Variants in POLE observed in about 807,000 individuals in gnomAD.
The protein encoded by POLE is DNA polymerase epsilon catalytic subunit A.
A neutral mutation model predicts 279.2 loss-of-function variants in POLE; 188 were observed. The observed-to-expected ratio is 0.67, with a 90% CI of 0.60 to 0.76. The LOEUF (loss-of-function observed/expected upper bound fraction) is 0.76. POLE is among the 30% of genes least tolerant of loss of function. The pLI is 0.00. For synonymous variants in POLE, 1,214 were observed against 1,172.5 expected (o/e 1.04, Z -0.72); for missense variants, 2,703 against 3,016.7 (o/e 0.90, Z 2.44).
intron 47 of POLE, chr12:132,625,362 G>A (rs554650253): frequency 2.3e-4 from 169 of 731,584 alleles, no homozygotes; most frequent in Non-Finnish European, 3.4e-4. Flanking sequence ...GCCGAGCTGT[G>A]CAACTCCCTC....
chr12:132,675,482 A>T lies in POLE; in HGVS notation c.1142T>A (p.Leu381Gln), dbSNP rs767448166. The T allele has an allele frequency of 3.7e-6, 6 of 1,614,148 alleles. No individual in the cohort carries two copies. In the South Asian group the frequency reaches 6.6e-5, roughly 18 times the overall value. The change falls in exon 12 of 49, where the codon CTG (leucine) becomes CAG (glutamine). Residue 381 changes from leucine to glutamine, a missense_variant. Transcript: ENST00000320574. This position sits in a 1 kb window ranked among gnomAD's most constrained non-coding sequence, Gnocchi z 4.3. The stretch of plus-strand genomic sequence containing the variant: ...GAAGCCTATCTCCTGCTGCATGCTC[A>T]GACCGTGGACTGCTGCCCGGGCCTC... ...FVEARAAVHG[L>Q]SMQQEIGFQK...
At chr12:132,628,352 A>T (rs574165768) in intron 45 of POLE, among the ~76,000 whole-genome samples, 1 of 142,696 alleles carries the variant, frequency 7.0e-6, no homozygotes, top group Admixed American at 7.1e-5. Flanking sequence ...AAAAAAAACT[A>T]CTTTTTTGGG....
Position 132,679,517 on chromosome 12 carries a change from C to T in POLE, c.558G>A (p.Ala186=), listed in dbSNP as rs764758303. 6.2e-6 allele frequency: 10 copies of T among 1,613,228 alleles called. No individual in the cohort carries two copies. Among genetic ancestry groups the T allele is most frequent in the East Asian group, 2.2e-5 (1 of 44,858 alleles). Residue 186 remains alanine (A), a synonymous_variant, in exon 6 of 49, where the codon GCG becomes GCA. Transcript: ENST00000320574. ...TTTACCTGGAAAGCAGAGCTGTGTA[C>T]GCGTCGCTGGCGTGATCCTGCTCCC... ...KNREQDHASD[A]YTALLSSVLQ...
Position 132,661,815 on chromosome 12 carries a change from G to T in POLE, c.2707-131C>A. On this transcript the variant is annotated intron_variant, in intron 23 of 48. Coordinates refer to ENST00000320574, the MANE Select transcript of POLE (RefSeq NM_006231.4). The surrounding 1 kb of genome is among the most constrained non-coding windows in gnomAD (Gnocchi z 4.1). Reference sequence around the variant, plus strand: ...TCCACATAACTAACACGACTTGGCAGCAGGAAGGAAGGAAGTTCTGATGCA... The same window carrying T: ...TCCACATAACTAACACGACTTGGCATCAGGAAGGAAGGAAGTTCTGATGCA... 1 of 887,386 alleles carries T rather than the reference G, an allele frequency of 1.1e-6. No homozygotes were observed. The allele number at this position is 887,386 out of a possible 1,614,324, so 55.0% of individuals were successfully genotyped here.
rs746311547 is a variant in POLE at position 132,661,150 on chromosome 12, T to G, written c.2879A>C (p.Asn960Thr). The change falls in exon 25 of 49, where the codon AAT (asparagine) becomes ACT (threonine). Residue 960 changes from asparagine (N) to threonine (T), a missense_variant. Physicochemically the swap from Asn to Thr is moderately conservative, Grantham distance 65 (BLOSUM62 0). This residue lies in a region of POLE where 101 missense variants were observed against 115.4 expected (regional missense o/e 0.87). Transcript: ENST00000320574. This position sits in a 1 kb window ranked among gnomAD's most constrained non-coding sequence, Gnocchi z 4.1. ...KKLKKRYAVF[N>T]EDGSLAELKG... is the part of the protein sequence containing the mutation. ...GAGCTCAGCCAGAGAACCGTCTTCA[T>G]TGAACACAGCATACCTGAAAAAAAA... is the stretch of plus-strand genomic sequence containing the variant. 1 of 1,609,668 alleles carries G rather than the reference T, an allele frequency of 6.2e-7. No homozygotes were observed.
intron 29 of POLE, among the ~76,000 whole-genome samples, chr12:132,654,224 T>C (rs557606440): frequency 8.8e-5 from 4 of 45,468 alleles, no homozygotes; most frequent in African/African-American, 1.3e-4. Context: ...TTACACTTAT[T>C]TTTTTTCGTC....
chr12:132,625,599 C>T lies in POLE; in HGVS notation c.6657+46G>A, dbSNP rs368144447. The T allele has an allele frequency of 1.9e-4, 299 of 1,606,336 alleles. No individual in the cohort carries two copies. The African/African-American group carries it at 3.6e-3, about 19-fold the overall frequency. ...GGCTCCCGGGAGTGCACAGAAACCC[C>T]CCTGTGGACTCCAGGGCACACGGGC... On this transcript the variant is annotated intron_variant, in intron 47 of 48. Coordinates refer to ENST00000320574, the MANE Select transcript of POLE (RefSeq NM_006231.4).
chr12:132,634,645 A>G lies in POLE; in HGVS notation c.5812-267T>C, dbSNP rs1008506402. Among the ~76,000 whole-genome samples, 8 of 150,578 alleles carry G rather than the reference A, an allele frequency of 5.3e-5. No homozygotes were observed. The highest frequency in any genetic ancestry group is 2.0e-4 in the African/African-American group (8 of 40,908). On this transcript the variant is annotated intron_variant, in intron 42 of 48. Coordinates refer to ENST00000320574, the MANE Select transcript of POLE (RefSeq NM_006231.4). This position sits in a 1 kb window ranked among gnomAD's most constrained non-coding sequence, Gnocchi z 4.0. ...CTCTGCTCTTCCAGAGTTCACTTTA[A>G]TTGTTGAACTCCCACCCCCCAAGGA...
At chr12:132,632,924 C>G in intron 43 of POLE, 129 bp from the exon 44 acceptor site, 1 of 1,059,046 alleles carries the variant, frequency 9.4e-7, no homozygotes, top group Non-Finnish European at 1.4e-6. Flanking sequence ...ATAATTTTAT[C>G]TGCAGCCTTT....
Position 132,664,597 on chromosome 12 carries a change from G to C in POLE, c.2469-135C>G. On this transcript the variant is annotated intron_variant, in intron 21 of 48. Transcript: ENST00000320574. The surrounding 1 kb of genome is among the most constrained non-coding windows in gnomAD (Gnocchi z 5.3). ...GAAGCAGCCAAATGTGCGTGCACCAGGACAGAACTAAGGTGGAATCTGGCT... is the reference window on the plus strand; with the variant it reads ...GAAGCAGCCAAATGTGCGTGCACCACGACAGAACTAAGGTGGAATCTGGCT... The C allele has an allele frequency of 1.4e-6, 1 of 697,814 alleles. No individual in the cohort carries two copies. 43.2% of individuals were successfully genotyped at this position (697,814 alleles called of 1,614,324 possible).
chr12:132,678,208 T>C (rs2043100551), intron 6 of POLE, among the ~76,000 whole-genome samples: 1 of 146,750 alleles, frequency 6.8e-6, no homozygotes, highest in Admixed American at 6.8e-5. Flanking sequence ...GGATGATAAC[T>C]CTACAGACAG....
In POLE at chr12:132,675,780, G is replaced by A. The variant is rs2136011496; in HGVS notation, c.1061C>T (p.Thr354Ile). ...IQRWFEHVQE[T>I]KPTIMVTYNG... Reference sequence around the variant, plus strand: ...GTAGGTGACCATGATGGTGGGTTTGGTCTCCTGGACGTGTTCAAACCACCT... The same window carrying A: ...GTAGGTGACCATGATGGTGGGTTTGATCTCCTGGACGTGTTCAAACCACCT... The change falls in exon 11 of 49, where the codon ACC (threonine) becomes ATC (isoleucine). Residue 354 changes from threonine to isoleucine, a missense_variant. Physicochemically the swap from Thr to Ile is moderately conservative, Grantham distance 89. Around this residue, in one of 5 missense-constraint regions of POLE, gnomAD observed 1,011 missense variants for 1,111.7 expected, o/e 0.91. Transcript: ENST00000320574. This position sits in a 1 kb window ranked among gnomAD's most constrained non-coding sequence, Gnocchi z 4.3. 1 of 1,614,186 alleles carries A rather than the reference G, an allele frequency of 6.2e-7. No homozygotes were observed. The highest frequency in any genetic ancestry group is 2.2e-5 in the East Asian group (1 of 44,884).
intron 23 of POLE, among the ~76,000 whole-genome samples, chr12:132,662,545 A>G (rs1443444277): frequency 1.3e-5 from 2 of 152,206 alleles, no homozygotes; most frequent in African/African-American, 4.8e-5. Context: ...CTAGAGACAT[A>G]CTTCCTGGCT....
chr12:132,673,054 G>A (rs1420809182), intron 14 of POLE, 110 bp downstream of exon 14: 60 of 819,276 alleles, frequency 7.3e-5, no homozygotes, highest in Admixed American at 7.1e-4. Flanking sequence ...TTCTACTGCC[G>A]CCTCTGGTGC....
chr12:132,636,331 C>T (rs928024654), intron 41 of POLE, among the ~76,000 whole-genome samples: 7 of 150,388 alleles, frequency 4.7e-5, no homozygotes, highest in African/African-American at 1.7e-4. Flanking sequence ...TGGTAACCAA[C>T]CACAGTGCTT....
intron 25 of POLE, chr12:132,659,820 T>G: frequency 3.3e-6 from 1 of 306,924 alleles, no homozygotes. Flanking sequence ...GCCTCCCAAG[T>G]AGCTGAGATT....
At chr12:132,660,430 C>T (rs959449374) in intron 25 of POLE, 3 of 152,468 alleles carry the variant, frequency 2.0e-5, no homozygotes. Context: ...TCCTTCTACC[C>T]AAGACGCCTG....
chr12:132,654,824 A>T (rs1471021948), intron 29 of POLE, among the ~76,000 whole-genome samples: 1 of 152,196 alleles, frequency 6.6e-6, no homozygotes, highest in Non-Finnish European at 1.5e-5. Flanking sequence ...CTATTTTCCT[A>T]AGTCTTTTCA....
At chr12:132,625,028 T>A in intron 47 of POLE, 34 bp from the exon 48 acceptor site, 1 of 1,545,160 alleles carries the variant, frequency 6.5e-7, no homozygotes, top group Non-Finnish European at 8.9e-7. Flanking sequence ...GCGCCAGCCC[T>A]CCCGCGCTGG....
Sources: allele counts gnomAD v4.1 joint callset (sites outside exome capture counted in the v4.1 genomes callset), GRCh38; gene constraint gnomAD v4.1.1; regional missense constraint gnomAD v4.1.1; non-coding constraint Gnocchi (gnomAD v3.1); transcripts MANE v1.5; gene names NCBI Gene and HGNC (gene_info 2026-07-23, HGNC 2026-07-21).